The following KAZN variants were observed in gnomAD, a reference collection of about 807,000 sequenced individuals.
The protein encoded by KAZN is kazrin.
In KAZN, 40 loss-of-function variants were observed where a neutral mutation model predicts 87.4. That is an observed-to-expected ratio of 0.46 (90% CI 0.36 to 0.60). The LOEUF is 0.60. KAZN is among the 20% of genes least tolerant of loss of function. KAZN has a pLI of 0.00. For missense variants in KAZN, 898 were observed against 1,073.9 expected, an observed-to-expected ratio of 0.84 and a Z score of 2.29; for synonymous variants, 466 against 458.3, an observed-to-expected ratio of 1.02 and a Z score of -0.22.
chr1:14,047,937 A>G (rs1642149254), intron 1 of KAZN, among the ~76,000 whole-genome samples: 1 of 152,142 alleles, frequency 6.6e-6, no homozygotes, highest in Non-Finnish European at 1.5e-5. Flanking sequence ...GTTTAAAACC[A>G]TCAAACTGGA....
intron 1 of KAZN, among the ~76,000 whole-genome samples, chr1:14,108,653 C>G (rs187115568): frequency 1.3e-5 from 2 of 152,176 alleles, no homozygotes; most frequent in African/African-American, 4.8e-5. Flanking sequence ...TGGCCTCTAT[C>G]TGTGCCTTGT....
intron 2 of KAZN, among the ~76,000 whole-genome samples, chr1:14,440,610 C>T (rs1048715427): frequency 2.0e-5 from 3 of 152,154 alleles, no homozygotes; most frequent in African/African-American, 7.2e-5. Context: ...ATGCTTAGAA[C>T]TGGCTACATA....
intron 13 of KAZN, among the ~76,000 whole-genome samples, chr1:15,111,090 C>G (rs1490499091): frequency 3.9e-5 from 6 of 152,220 alleles, no homozygotes; most frequent in Non-Finnish European, 7.3e-5. Flanking sequence ...GAGCAAGGCC[C>G]TCCCTGTTAT....
chr1:14,343,063 C>A (rs1357334253), intron 2 of KAZN, among the ~76,000 whole-genome samples: 1 of 152,140 alleles, frequency 6.6e-6, no homozygotes, highest in Admixed American at 6.5e-5. Flanking sequence ...ATCACTTGAA[C>A]CCGGGAGGCG....
At chr1:13,941,793 ATGTGTGTGAGAACACCAAAGAGCTACC>A (rs1453124001) in intron 1 of KAZN, among the ~76,000 whole-genome samples, 3 of 152,122 alleles carry the variant, frequency 2.0e-5, no homozygotes, top group African/African-American at 7.2e-5. Flanking sequence ...AACAAAACTC[ATGTGTGTGAGAACACCAAAGAGCTACC>A]AAGGCAGCCA....
intron 1 of KAZN, among the ~76,000 whole-genome samples, chr1:14,628,513 G>C (rs1679316426): frequency 6.6e-6 from 1 of 152,218 alleles, no homozygotes; most frequent in Non-Finnish European, 1.5e-5. Context: ...GACATGAAAT[G>C]CTTCAAATGT....
At chr1:14,013,813 T>C (rs947091810) in intron 1 of KAZN, among the ~76,000 whole-genome samples, 15 of 152,290 alleles carry the variant, frequency 9.8e-5, no homozygotes, top group Middle Eastern at 3.4e-3. Context: ...GAGTCCTCTC[T>C]AGAGAGACAA....
chr1:15,078,859 T>TC (rs1162643077), intron 8 of KAZN, among the ~76,000 whole-genome samples: 1 of 151,914 alleles, frequency 6.6e-6, no homozygotes, highest in Admixed American at 6.6e-5. Flanking sequence ...TTGCAAGAAT[T>TC]CCCCCCACCA....
intron 1 of KAZN, among the ~76,000 whole-genome samples, chr1:13,974,086 C>T (rs1203427761): frequency 6.6e-6 from 1 of 152,250 alleles, no homozygotes; most frequent in Non-Finnish European, 1.5e-5. Context: ...GGATGTGTGT[C>T]AATCCTCCAA....
chr1:14,835,605 C>T (rs1355386881), intron 1 of KAZN, among the ~76,000 whole-genome samples: 2 of 152,150 alleles, frequency 1.3e-5, no homozygotes, highest in African/African-American at 4.8e-5. Flanking sequence ...CCCCAAATTG[C>T]ACCGTAATAG....
intron 1 of KAZN, among the ~76,000 whole-genome samples, chr1:14,076,276 G>A (rs1421971863): frequency 9.2e-5 from 14 of 151,458 alleles, no homozygotes; most frequent in South Asian, 4.2e-4. Context: ...GCGAGACTCC[G>A]TCTAAAAAAA....
intron 1 of KAZN, among the ~76,000 whole-genome samples, chr1:14,741,508 A>G (rs1256475292): frequency 1.3e-5 from 2 of 152,262 alleles, no homozygotes; most frequent in Non-Finnish European, 2.9e-5. Flanking sequence ...AGAATCTCCC[A>G]TCAGGTCCTG....
intron 1 of KAZN, among the ~76,000 whole-genome samples, chr1:14,159,154 G>T (rs2101820849): frequency 6.6e-6 from 1 of 152,276 alleles, no homozygotes; most frequent in East Asian, 1.9e-4. Context: ...ACAATCTGAA[G>T]ATAGCAAAGC....
chr1:14,412,149 A>T (rs753909585), intron 2 of KAZN, among the ~76,000 whole-genome samples: 1 of 152,266 alleles, frequency 6.6e-6, no homozygotes, highest in African/African-American at 2.4e-5. Context: ...CGTGACAAAC[A>T]GCAAGTGCAA....
At position 14,883,364 on chromosome 1, in the gene KAZN, A is replaced by G. The variant is rs1448532726; in HGVS notation, c.227-77320A>G. On this transcript the variant is annotated intron_variant, in intron 1 of 14. Coordinates refer to ENST00000376030, the MANE Select transcript of KAZN (RefSeq NM_201628.3). ...AGAGAAAGAAAGAAAGAAAAGAAAGAAAGAAAGAAAGAAAGAAAGAAAGAA... is the reference window on the plus strand; with the variant it reads ...AGAGAAAGAAAGAAAGAAAAGAAAGGAAGAAAGAAAGAAAGAAAGAAAGAA... 3.2e-5 allele frequency among the ~76,000 whole-genome samples: 2 copies of G among 62,990 alleles called. 1 individual carries two copies. The highest frequency in any genetic ancestry group is 6.6e-5 in the Non-Finnish European group (2 of 30,126). The allele number at this position is 62,990 out of a possible 152,430, so 41.3% of individuals were successfully genotyped here.
intron 1 of KAZN, among the ~76,000 whole-genome samples, chr1:14,087,743 G>C (rs530609726): frequency 6.6e-6 from 1 of 151,996 alleles, no homozygotes; most frequent in East Asian, 1.9e-4. Context: ...TGTTAATGTG[G>C]TGAATTACAT....
At chr1:14,155,713 C>T (rs144500936) in intron 1 of KAZN, among the ~76,000 whole-genome samples, 86 of 151,932 alleles carry the variant, frequency 5.7e-4, no homozygotes, top group Non-Finnish European at 1.1e-3. Flanking sequence ...GCAGTGGCAC[C>T]ATCTTGGCTC....
At chr1:14,176,461 A>T (rs1027761557) in intron 1 of KAZN, among the ~76,000 whole-genome samples, 1 of 152,232 alleles carries the variant, frequency 6.6e-6, no homozygotes, top group Non-Finnish European at 1.5e-5. Context: ...AGGGCAGGGT[A>T]TGAGACATGA....
intron 2 of KAZN, among the ~76,000 whole-genome samples, chr1:14,240,370 G>A (rs893529120): frequency 2.0e-5 from 3 of 152,240 alleles, no homozygotes; most frequent in Non-Finnish European, 4.4e-5. Flanking sequence ...ATAGGCTCCA[G>A]GCATGTGCAG....
Sources: allele counts gnomAD v4.1 joint callset (sites outside exome capture counted in the v4.1 genomes callset), GRCh38; gene constraint gnomAD v4.1.1; transcripts MANE v1.5; gene names NCBI Gene and HGNC (gene_info 2026-07-23, HGNC 2026-07-21).